ATXN2: variants seen among roughly 807,000 people sequenced by gnomAD.
The protein encoded by ATXN2 is ataxin 2.
Under a neutral mutation model 138.6 loss-of-function variants are expected in ATXN2, and 37 were observed. The observed-to-expected ratio is 0.27, with a 90% CI of 0.21 to 0.35. The LOEUF is 0.35. ATXN2 is among the 10% of genes least tolerant of loss of function. The probability of loss-of-function intolerance (pLI) is 1.00; values close to 1 mark genes in which losing one functional copy is unlikely to be tolerated. For missense variants in ATXN2, 1,216 were observed against 1,480.3 expected, an observed-to-expected ratio of 0.82 and a Z score of 2.93; for synonymous variants, 549 against 543.7, an observed-to-expected ratio of 1.01 and a Z score of -0.13.
At chr12:111,524,054 C>T (rs1472225099) in intron 6 of ATXN2, among the ~76,000 whole-genome samples, 2 of 152,214 alleles carry the variant, frequency 1.3e-5, no homozygotes, top group Non-Finnish European at 2.9e-5. Flanking sequence ...TCCAGAAAGA[C>T]TCTATCAATT....
chr12:111,552,495 T>C lies in ATXN2; in HGVS notation c.421-65A>G. 6 of 1,520,728 alleles carry C rather than the reference T, an allele frequency of 3.9e-6. No homozygotes were observed. Among genetic ancestry groups the C allele is most frequent in the Non-Finnish European group, 3.5e-6 (4 of 1,135,478 alleles). The allele number at this position is 1,520,728 out of a possible 1,614,324, so 94.2% of individuals were successfully genotyped here. On this transcript the variant is annotated intron_variant, in intron 4 of 24. Coordinates refer to ENST00000673436, the MANE Select transcript of ATXN2 (RefSeq NM_001372574.1). The surrounding 1 kb of genome is among the most constrained non-coding windows in gnomAD (Gnocchi z 4.1). ...AAAATAAAATTTGTTAGGAATTCTT[T>C]AGCTCATCAAGGTACCAGTTCTTAT...
At chr12:111,561,172 G>A (rs929282761) in intron 1 of ATXN2, among the ~76,000 whole-genome samples, 3 of 149,502 alleles carry the variant, frequency 2.0e-5, no homozygotes. Context: ...GCAATACAGC[G>A]AGACTCCGCC....
At chr12:111,474,158 C>T (rs1876625429) in intron 18 of ATXN2, among the ~76,000 whole-genome samples, 2 of 152,214 alleles carry the variant, frequency 1.3e-5, no homozygotes, top group South Asian at 4.2e-4. Flanking sequence ...TTGGTAGAGA[C>T]TGCACTGAGC....
intron 18 of ATXN2, among the ~76,000 whole-genome samples, chr12:111,477,552 CA>C (rs1295221335): frequency 6.6e-6 from 1 of 151,734 alleles, no homozygotes; most frequent in African/African-American, 2.4e-5. Flanking sequence ...TATTATGATA[CA>C]AAAAAGCATG....
rs59710594 is a variant in ATXN2 at position 111,462,977 on chromosome 12, T to TACACACAC, written c.2896+1677_2896+1684dup. 9.8e-3 allele frequency among the ~76,000 whole-genome samples: 1,448 copies of TACACACAC among 147,826 alleles called. 22 individuals carry two copies. The highest frequency in any genetic ancestry group is 0.03 in the African/African-American group (1,182 of 39,850). On this transcript the variant is annotated intron_variant, in intron 21 of 24. Coordinates refer to ENST00000673436, the MANE Select transcript of ATXN2 (RefSeq NM_001372574.1). Reference sequence around the variant, plus strand: ...ATACACACATACATATATATATATATACACACACACACACACACACACACA... The same window carrying TACACACAC: ...ATACACACATACATATATATATATATACACACACACACACACACACACACACACACACA...
chr12:111,544,228 T>C (rs1000118856), intron 5 of ATXN2, among the ~76,000 whole-genome samples: 5 of 152,204 alleles, frequency 3.3e-5, no homozygotes, highest in Admixed American at 2.6e-4. Flanking sequence ...CTTGTATTTC[T>C]CCGTACTGTC....
At chr12:111,464,324 GGTGTGTGTGTTTGTGTGTGTGTGT>G (rs1410378428) in intron 21 of ATXN2, among the ~76,000 whole-genome samples, 1 of 126,158 alleles carries the variant, frequency 7.9e-6, no homozygotes, top group African/African-American at 3.4e-5. Context: ...TTGTGGCTTG[GGTGTGTGTGTTTGTGTGTGTGTGT>G]GTGTGTGTGT....
intron 14 of ATXN2, among the ~76,000 whole-genome samples, chr12:111,498,506 CT>C (rs1025097413): frequency 6.6e-6 from 1 of 152,074 alleles, no homozygotes; most frequent in African/African-American, 2.4e-5. Flanking sequence ...TAGGAATAAA[CT>C]TAACCAAATG....
At chr12:111,455,175 A>C in intron 23 of ATXN2, 1 of 701,344 alleles carries the variant, frequency 1.4e-6, no homozygotes, top group East Asian at 2.7e-5. Context: ...CCCGCCTCAG[A>C]GAGTTCTGTT....
At chr12:111,465,866 G>A (rs1364569174) in intron 20 of ATXN2, among the ~76,000 whole-genome samples, 3 of 146,946 alleles carry the variant, frequency 2.0e-5, no homozygotes, top group African/African-American at 7.9e-5. Flanking sequence ...ATGGAAGTTA[G>A]ATTAAGAGAC....
At chr12:111,589,722 A>C (rs1884550833) in intron 1 of ATXN2, among the ~76,000 whole-genome samples, 1 of 151,776 alleles carries the variant, frequency 6.6e-6, no homozygotes, top group Admixed American at 6.6e-5. Context: ...CACTGAGCCG[A>C]TATCCTGCCA....
At chr12:111,535,333 AAG>A (rs1881086507) in intron 5 of ATXN2, among the ~76,000 whole-genome samples, 2 of 152,176 alleles carry the variant, frequency 1.3e-5, no homozygotes, top group Non-Finnish European at 2.9e-5. Context: ...GGAGTAAAAG[AAG>A]AAGGCACAGG....
chr12:111,530,455 A>C (rs983058911), intron 5 of ATXN2, among the ~76,000 whole-genome samples: 2 of 152,244 alleles, frequency 1.3e-5, no homozygotes, highest in African/African-American at 4.8e-5. Flanking sequence ...TAGGCCTTCA[A>C]GAACACAAGA....
intron 1 of ATXN2, among the ~76,000 whole-genome samples, chr12:111,583,883 A>G (rs1274329663): frequency 6.6e-6 from 1 of 151,422 alleles, no homozygotes; most frequent in Non-Finnish European, 1.5e-5. Context: ...ACTTTTTTCT[A>G]TGCAATTTAA....
chr12:111,477,757 T>A (rs1876923116), intron 18 of ATXN2, among the ~76,000 whole-genome samples: 1 of 151,858 alleles, frequency 6.6e-6, no homozygotes, highest in African/African-American at 2.4e-5. Context: ...GAAACATGAC[T>A]TTTTTTTCTT....
intron 21 of ATXN2, among the ~76,000 whole-genome samples, chr12:111,458,859 G>A (rs1278931072): frequency 6.6e-6 from 1 of 152,200 alleles, no homozygotes; most frequent in Non-Finnish European, 1.5e-5. Context: ...GTTAGGCTAG[G>A]CACATGGAGC....
intron 15 of ATXN2, among the ~76,000 whole-genome samples, chr12:111,488,271 G>A (rs1390268754): frequency 6.6e-6 from 1 of 152,116 alleles, no homozygotes; most frequent in Non-Finnish European, 1.5e-5. Context: ...CAAAAAAGGG[G>A]AAGAACAGAA....
intron 5 of ATXN2, among the ~76,000 whole-genome samples, chr12:111,549,329 C>T (rs1034241422): frequency 3.8e-4 from 58 of 151,878 alleles, no homozygotes; most frequent in Admixed American, 3.3e-3. Context: ...GAAAACCATG[C>T]GGCCTGGCCA....
At chr12:111,588,003 G>A (rs1336057529) in intron 1 of ATXN2, among the ~76,000 whole-genome samples, 2 of 151,900 alleles carry the variant, frequency 1.3e-5, no homozygotes, top group African/African-American at 4.8e-5. Flanking sequence ...AGATCAACAT[G>A]GCAAAACTCC....
Sources: gnomAD v4.1 joint callset for allele counts (sites outside exome capture counted in the v4.1 genomes callset) on GRCh38, gnomAD v4.1.1 for gene constraint, Gnocchi (gnomAD v3.1) non-coding constraint, MANE v1.5 for transcripts, NCBI Gene and HGNC (gene_info 2026-07-23, HGNC 2026-07-21) for gene names.